NUP153: variants seen among roughly 807,000 people sequenced by gnomAD.
NUP153 encodes the protein nuclear pore complex protein Nup153.
In NUP153, 27 loss-of-function variants were observed where a neutral mutation model predicts 134.6. That is an observed-to-expected ratio of 0.20 (90% CI 0.15 to 0.28). The LOEUF (loss-of-function observed/expected upper bound fraction) is 0.28. Among genes scored for constraint, NUP153 ranks in the 10% least tolerant of loss-of-function variants. The probability of loss-of-function intolerance (pLI) is 1.00; values close to 1 mark genes in which losing one functional copy is unlikely to be tolerated. For missense variants in NUP153, 1,821 were observed against 1,731.3 expected (o/e 1.05, Z -0.92); for synonymous variants, 640 against 623.5 (o/e 1.03, Z -0.40).
chr6:17,673,043 A>ACG (rs937914145), intron 5 of NUP153, among the ~76,000 whole-genome samples: 10 of 152,124 alleles, frequency 6.6e-5, no homozygotes, highest in African/African-American at 9.7e-5. Flanking sequence ...ATACACACAC[A>ACG]CGCACACACA....
At chr6:17,672,588 A>G (rs1317183172) in intron 5 of NUP153, among the ~76,000 whole-genome samples, 2 of 152,348 alleles carry the variant, frequency 1.3e-5, no homozygotes, top group African/African-American at 4.8e-5. Context: ...ACAAAAACAC[A>G]GAACAAAGAC....
chr6:17,658,809 C>T (rs1385934417), intron 11 of NUP153, among the ~76,000 whole-genome samples: 1 of 152,092 alleles, frequency 6.6e-6, no homozygotes, highest in Non-Finnish European at 1.5e-5. Flanking sequence ...TATACGATAA[C>T]CGGTTACGAC....
intron 11 of NUP153, 84 bp downstream of exon 11, chr6:17,661,569 C>T: frequency 7.4e-7 from 1 of 1,359,818 alleles, no homozygotes; most frequent in African/African-American, 1.5e-5. Flanking sequence ...CTCTTCGAAC[C>T]CCACCCCTAC....
chr6:17,663,232 TAC>T (rs35061480), intron 9 of NUP153, among the ~76,000 whole-genome samples: 54,438 of 143,576 alleles, frequency 0.38, 10,697 homozygotes, highest in Middle Eastern at 0.67. Context: ...AAGAAAAAAA[TAC>T]ACACACACAC....
rs190726859 is a variant in NUP153, at chr6:17,618,937, G to C, written c.4175-2242C>G. On this transcript the variant is annotated intron_variant, in intron 20 of 21. Transcript: ENST00000262077. ...AGTATGACACAAAGACAAAAGGTAAGAAGGAAAGGAAGGATTAGGGGACAA... is the reference window on the plus strand; with the variant it reads ...AGTATGACACAAAGACAAAAGGTAACAAGGAAAGGAAGGATTAGGGGACAA... Among the ~76,000 whole-genome samples the C allele has an allele frequency of 3.3e-5, 5 of 152,282 alleles. No homozygotes were observed. The East Asian group carries it at 9.7e-4, about 29-fold the overall frequency.
rs188847327 is a variant in NUP153, at chr6:17,633,902, A to G, written c.2465-1058T>C. On this transcript the variant is annotated intron_variant, in intron 16 of 21. Transcript: ENST00000262077. ...CCACTGTCCTCACAAACTCTCATTT[A>G]CTCCAGTGGTTTTTAAATCCCCAAA... 5.3e-5 allele frequency among the ~76,000 whole-genome samples: 8 copies of G among 151,926 alleles called. No homozygotes were observed. The East Asian group carries it at 1.6e-3, about 29-fold the overall frequency.
intron 11 of NUP153, among the ~76,000 whole-genome samples, chr6:17,655,828 T>G (rs1561879363): frequency 6.6e-6 from 1 of 152,170 alleles, no homozygotes; most frequent in South Asian, 2.1e-4. Context: ...TCTCAACATA[T>G]CTGACTTCTG....
intron 16 of NUP153, among the ~76,000 whole-genome samples, chr6:17,634,326 C>A (rs1207887346): frequency 6.6e-6 from 1 of 152,098 alleles, no homozygotes; most frequent in Admixed American, 6.5e-5. Context: ...CATTTCAGGC[C>A]ATCTTGAGTG....
At chr6:17,646,248 CCCA>C in intron 13 of NUP153, 94 bp from the exon 14 acceptor site, 1 of 610,840 alleles carries the variant, frequency 1.6e-6, no homozygotes, top group Non-Finnish European at 2.8e-6. Flanking sequence ...TACTCTGTCG[CCCA>C]GGCTGGAGTG....
At chr6:17,688,350 G>T (rs1218973384) in intron 2 of NUP153, 46 bp downstream of exon 2, 2 of 1,435,672 alleles carry the variant, frequency 1.4e-6, no homozygotes, top group East Asian at 2.3e-5. Context: ...CAAAATTAGG[G>T]CATGAAAACC....
At position 17,704,144 on chromosome 6, in the gene NUP153, T is replaced by C. The variant is rs146935030; in HGVS notation, c.111+2133A>G. On this transcript the variant is annotated intron_variant, in intron 1 of 21. Coordinates refer to ENST00000262077, the MANE Select transcript of NUP153 (RefSeq NM_005124.4). ...CGTCTCTACTAAAAATACAAAAAAT[T>C]AGCTGGGCGTGGTGGCGGGCGCCTG... Among the ~76,000 whole-genome samples, 1,307 of 152,178 alleles carry C rather than the reference T, an allele frequency of 8.6e-3. 16 individuals are homozygous for C. Among genetic ancestry groups the C allele is most frequent in the Admixed American group, 0.029 (439 of 15,282 alleles).
intron 17 of NUP153, among the ~76,000 whole-genome samples, chr6:17,632,256 G>C (rs1432290343): frequency 6.6e-6 from 1 of 152,008 alleles, no homozygotes; most frequent in South Asian, 2.1e-4. Context: ...AGCAGAGATC[G>C]CGCCCCCGTA....
intron 8 of NUP153, among the ~76,000 whole-genome samples, chr6:17,667,849 C>A (rs1767635594): frequency 1.3e-5 from 2 of 152,152 alleles, no homozygotes; most frequent in African/African-American, 4.8e-5. Flanking sequence ...CCCACAGTAA[C>A]CGCCAAAGTT....
intron 2 of NUP153, among the ~76,000 whole-genome samples, chr6:17,679,087 C>T (rs910810103): frequency 2.6e-5 from 4 of 151,808 alleles, no homozygotes; most frequent in South Asian, 2.1e-4. Context: ...AAGACTAGAA[C>T]GAAACTACAA....
intron 14 of NUP153, among the ~76,000 whole-genome samples, chr6:17,640,435 CA>C (rs952016286): frequency 6.6e-6 from 1 of 151,906 alleles, no homozygotes; most frequent in Non-Finnish European, 1.5e-5. Flanking sequence ...CAAAACTAAT[CA>C]AAAAAAGTAA....
intron 11 of NUP153, among the ~76,000 whole-genome samples, chr6:17,660,262 T>G (rs1481381064): frequency 6.6e-6 from 1 of 152,130 alleles, no homozygotes; most frequent in Non-Finnish European, 1.5e-5. Flanking sequence ...TTTAAAAAGC[T>G]AAAAATATAC....
chr6:17,701,023 C>T (rs755239745), intron 1 of NUP153, among the ~76,000 whole-genome samples: 6 of 151,970 alleles, frequency 3.9e-5, no homozygotes, highest in East Asian at 1.9e-4. Flanking sequence ...GTCGGGAGTT[C>T]GAGACCAGCC....
chr6:17,621,728 C>T (rs1374360979), intron 20 of NUP153, among the ~76,000 whole-genome samples: 2 of 151,898 alleles, frequency 1.3e-5, no homozygotes, highest in East Asian at 1.9e-4. Flanking sequence ...AGGTGGTTAA[C>T]GAATACAAAC....
rs761158790 is a variant in NUP153, at chr6:17,706,346, G to A, written c.42C>T (p.Gly14=). The stretch of plus-strand genomic sequence containing the variant: ...GGTGGCAACGCCGCGTCCGGATCTT[G>A]CCGCCACCGCCCCCTCCGACTCCTC... ...GAGGVGGGGG[G]KIRTRRCHQG... The change falls in exon 1 of 22, where the codon GGC becomes GGT. Residue 14 remains glycine, a synonymous_variant. Coordinates refer to ENST00000262077, the MANE Select transcript of NUP153 (RefSeq NM_005124.4). The surrounding 1 kb of genome is among the most constrained non-coding windows in gnomAD (Gnocchi z 5.9). 3.0e-5 allele frequency: 48 copies of A among 1,613,214 alleles called. No individual in the cohort carries two copies. In the South Asian group the frequency reaches 5.2e-4, roughly 17 times the overall value.
Sources: gnomAD v4.1 joint callset for allele counts (sites outside exome capture counted in the v4.1 genomes callset) on GRCh38, gnomAD v4.1.1 for gene constraint, Gnocchi (gnomAD v3.1) non-coding constraint, MANE v1.5 for transcripts, NCBI Gene and HGNC (gene_info 2026-07-23, HGNC 2026-07-21) for gene names.